PAGE2: variants seen among roughly 807,000 people sequenced by gnomAD.
PAGE2 encodes the protein PAGE family member 2, also known as P antigen family member 2.
Under a neutral mutation model 7.5 loss-of-function variants are expected in PAGE2, and 6 were observed. That is an observed-to-expected ratio of 0.80 (90% CI 0.44 to 1.57). The LOEUF is 1.57. Ranked by LOEUF, PAGE2 falls within the 40% of genes most tolerant of loss-of-function variation. The pLI, the probability that PAGE2 is intolerant of heterozygous loss-of-function variation, is 0.01. For synonymous variants in PAGE2, 22 were observed against 25.4 expected (o/e 0.87, Z 0.41); for missense variants, 72 against 76.4 (o/e 0.94, Z 0.21).
At chrX:55,091,832 T>A (rs1225722816) in intron 4 of PAGE2, among the ~76,000 whole-genome samples, 7 of 67,406 alleles carry the variant, frequency 1.0e-4, no homozygotes, top group African/African-American at 2.8e-4. Context: ...ATTAGCTTGA[T>A]GTAGCCATTT....
chrX:55,090,885 T>C (rs1215480832), intron 3 of PAGE2, among the ~76,000 whole-genome samples: 1 of 109,044 alleles, frequency 9.2e-6, no homozygotes, highest in Non-Finnish European at 1.9e-5. Context: ...CATTTTCTGT[T>C]TTTTGTTGCT....
intron 3 of PAGE2, among the ~76,000 whole-genome samples, chrX:55,091,054 T>C (rs1936650898): frequency 9.0e-6 from 1 of 111,055 alleles, no homozygotes; most frequent in Non-Finnish European, 1.9e-5. Context: ...CTAAAGCTCA[T>C]AGTCTAGTCA....
At chrX:55,090,370 T>TATCTATC in intron 2 of PAGE2, 132 bp from the exon 3 acceptor site, 1 of 598,103 alleles carries the variant, frequency 1.7e-6, no homozygotes, top group Non-Finnish European at 2.6e-6. Context: ...ATCTATCATC[T>TATCTATC]ATCTATCTAT....
At chrX:55,091,505 G>A in intron 4 of PAGE2, 48 bp downstream of exon 4, 1 of 1,193,227 alleles carries the variant, frequency 8.4e-7, no homozygotes, top group Non-Finnish European at 1.1e-6. Context: ...TATTTTCACA[G>A]TATTTTGTGT....
intron 2 of PAGE2, 72 bp downstream of exon 2, chrX:55,090,176 T>G: frequency 1.0e-6 from 1 of 984,476 alleles, no homozygotes; most frequent in Non-Finnish European, 1.4e-6. Flanking sequence ...CTAGTATACA[T>G]ACACTGATAC....
chrX:55,090,111 C>G lies in PAGE2; in HGVS notation c.84+7C>G, dbSNP rs374925259. The G allele has an allele frequency of 1.7e-6, 2 of 1,188,133 alleles. No individual in the cohort carries two copies. The highest frequency in any genetic ancestry group is 2.3e-6 in the Non-Finnish European group (2 of 878,008). On this transcript the variant is annotated splice_region_variant and intron_variant, in intron 2 of 4. Coordinates refer to ENST00000374968, the MANE Select transcript of PAGE2 (RefSeq NM_207339.4). ...GCCGGTTGGATCTGTGATTGTGAGT[C>G]TTTTAACATTTGATGTTTTCTATTA...
At chrX:55,090,883 G>GT (rs2146475340) in intron 3 of PAGE2, among the ~76,000 whole-genome samples, 1 of 108,929 alleles carries the variant, frequency 9.2e-6, no homozygotes, top group South Asian at 3.9e-4. Flanking sequence ...GCCATTTTCT[G>GT]TTTTTTGTTG....
At chrX:55,091,163 A>G (rs1201394222) in intron 3 of PAGE2, among the ~76,000 whole-genome samples, 169 bp from the exon 4 acceptor site, 3 of 111,620 alleles carry the variant, frequency 2.7e-5, no homozygotes, top group African/African-American at 1.0e-4. Context: ...TTGGGAAAGA[A>G]AAGGGCAATG....
In PAGE2 at chrX:55,090,370, T is replaced by TATC. The variant is rs1267210539; in HGVS notation, c.85-131_85-129dup. On this transcript the variant is annotated intron_variant, in intron 2 of 4. Coordinates refer to ENST00000374968, the MANE Select transcript of PAGE2 (RefSeq NM_207339.4). ...TCTATCTATCTATCTATCTATCATCTATCTATCTATATGTGTGTGTATGTG... is the reference window on the plus strand; with the variant it reads ...TCTATCTATCTATCTATCTATCATCTATCATCTATCTATATGTGTGTGTATGTG... 49 of 596,204 alleles carry TATC rather than the reference T, an allele frequency of 8.2e-5. 1 individual carries two copies. The highest frequency in any genetic ancestry group is 7.5e-4 in the Admixed American group (22 of 29,513). The allele number at this position is 596,204 out of a possible 1,213,427, so 49.1% of individuals were successfully genotyped here.
chrX:55,090,642 G>A (rs757495916), intron 3 of PAGE2, 32 bp downstream of exon 3: 28 of 1,108,878 alleles, frequency 2.5e-5, no homozygotes, highest in Non-Finnish European at 3.2e-5. Flanking sequence ...ATGCTTATGG[G>A]TGGTGGAGGT....
rs4014659 is a variant in PAGE2 at position 55,091,712 on chromosome X, A to G, written c.319+255A>G. Among the ~76,000 whole-genome samples, 50 of 80,619 alleles carry G rather than the reference A, an allele frequency of 6.2e-4. 4 individuals carry two copies. Among genetic ancestry groups the G allele is most frequent in the African/African-American group, 1.5e-3 (40 of 27,048 alleles). The allele number at this position is 80,619 out of a possible 115,157, so 70.0% of individuals were successfully genotyped here. A position where few individuals can be genotyped will look rare whatever the true frequency, so the allele number is the denominator to read the frequency against. On this transcript the variant is annotated intron_variant, in intron 4 of 4. Transcript: ENST00000374968. ...ACTTGAGGCCAAGACTTCAAGAGACAGAGAAAAATTGGGTCAAAACTAATT... is the reference window on the plus strand; with the variant it reads ...ACTTGAGGCCAAGACTTCAAGAGACGGAGAAAAATTGGGTCAAAACTAATT...
Position 55,090,033 on chromosome X carries a change from C to A in PAGE2, c.13C>A (p.Leu5Ile). 8.3e-7 allele frequency: 1 copy of A among 1,200,605 alleles called. No individual in the cohort carries two copies. Among genetic ancestry groups the A allele is most frequent in the Non-Finnish European group, 1.1e-6 (1 of 887,336 alleles). The change falls in exon 2 of 5, where the codon CTA becomes ATA. Residue 5 changes from leucine (L) to isoleucine (I), a missense_variant. Coordinates refer to ENST00000374968, the MANE Select transcript of PAGE2 (RefSeq NM_207339.4). ...TGCAGTGGGAAATATGAGTGAGCTT[C>A]TAAGAGCAAGATCCCAATCCTCAGA... MSELLRARSQSSERG... is the reference protein window; with the variant it reads MSELIRARSQSSERG...
chrX:55,091,185 C>A (rs1008298580), intron 3 of PAGE2, 147 bp from the exon 4 acceptor site: 3 of 1,028,792 alleles, frequency 2.9e-6, no homozygotes, highest in African/African-American at 4.0e-5. Flanking sequence ...TCGAATATCT[C>A]TGCTTTCCTG....
In PAGE2 at chrX:55,090,581, T is replaced by C. The variant is rs368355543; in HGVS notation, c.164T>C (p.Ile55Thr). ...CAGGGTATTGCACCTAGTGGGGAGA[T>C]TGAAAATCAAGCAGTGCCTGCTTTT... is the stretch of plus-strand genomic sequence containing the variant. Reference protein sequence around the residue: ...DNQGIAPSGEIENQAVPAFQG... With the variant: ...DNQGIAPSGETENQAVPAFQG... The change falls in exon 3 of 5, where the codon ATT becomes ACT. Residue 55 changes from isoleucine (I) to threonine (T), a missense_variant. Physicochemically the swap from Ile to Thr is moderately conservative, Grantham distance 89 (BLOSUM62 -1). Coordinates refer to ENST00000374968, the MANE Select transcript of PAGE2 (RefSeq NM_207339.4). The C allele has an allele frequency of 2.5e-6, 3 of 1,203,600 alleles. No homozygotes were observed. The highest frequency in any genetic ancestry group is 2.2e-5 in the Admixed American group (1 of 45,373).
At chrX:55,090,664 T>C in intron 3 of PAGE2, 54 bp downstream of exon 3, 3 of 922,379 alleles carry the variant, frequency 3.3e-6, no homozygotes, top group Non-Finnish European at 4.6e-6. Context: ...TATTTATGCA[T>C]TGTATTTTAT....
At chrX:55,089,652 G>A (rs190699741) in intron 1 of PAGE2, among the ~76,000 whole-genome samples, 5 of 110,382 alleles carry the variant, frequency 4.5e-5, no homozygotes, top group Admixed American at 3.8e-4. Flanking sequence ...GGGGTGTGGG[G>A]GTGAAATGGG....
intron 4 of PAGE2, 41 bp downstream of exon 4, chrX:55,091,498 T>C: frequency 8.4e-7 from 1 of 1,196,515 alleles, no homozygotes; most frequent in South Asian, 1.8e-5. Flanking sequence ...GTATTTCTAT[T>C]TTCACAGTAT....
At chrX:55,090,195 C>G in intron 2 of PAGE2, 91 bp downstream of exon 2, 1 of 917,168 alleles carries the variant, frequency 1.1e-6, no homozygotes, top group Non-Finnish European at 1.5e-6. Context: ...ACAGGTGTTC[C>G]ATGCTGATAA....
In PAGE2 at chrX:55,091,280, G is replaced by A. The variant is rs115472114; in HGVS notation, c.194-52G>A. 4,922 of 1,198,264 alleles carry A rather than the reference G, an allele frequency of 4.1e-3. 302 individuals carry two copies. The African/African-American group carries it at 0.08, about 19-fold the overall frequency. On this transcript the variant is annotated intron_variant, in intron 3 of 4. Transcript: ENST00000374968. ...AGGGAATAAATACTATCATTTCCTC[G>A]TTCATAGTTCATGTTTTAATTTGTA...
Sources: allele counts gnomAD v4.1 joint callset (sites outside exome capture counted in the v4.1 genomes callset), GRCh38; gene constraint gnomAD v4.1.1; transcripts MANE v1.5; gene names NCBI Gene and HGNC (gene_info 2026-07-23, HGNC 2026-07-21).